NIN: variants seen among roughly 807,000 people sequenced by gnomAD.
NIN encodes the protein ninein, also known as glycogen synthase kinase 3 beta-interacting protein.
A neutral mutation model predicts 257.6 loss-of-function variants in NIN; 137 were observed. That is an observed-to-expected ratio of 0.53 (90% CI 0.46 to 0.61). The LOEUF (loss-of-function observed/expected upper bound fraction) is 0.61. NIN is among the 20% of genes least tolerant of loss of function. NIN has a pLI of 0.00. For synonymous variants in NIN, 918 were observed against 919.8 expected, an observed-to-expected ratio of 1.00 and a Z score of 0.04; for missense variants, 2,439 against 2,501.2, an observed-to-expected ratio of 0.98 and a Z score of 0.53.
intron 21 of NIN, among the ~76,000 whole-genome samples, chr14:50,751,632 T>A (rs1453798292): frequency 6.6e-6 from 1 of 152,166 alleles, no homozygotes; most frequent in African/African-American, 2.4e-5. Context: ...CCTCAAGGGA[T>A]CCTCCTGCCT....
intron 7 of NIN, among the ~76,000 whole-genome samples, chr14:50,774,201 C>T (rs955256011): frequency 1.3e-5 from 2 of 152,228 alleles, no homozygotes; most frequent in South Asian, 4.1e-4. Context: ...GAGCCTACAA[C>T]TGGACTCATT....
chr14:50,731,175 A>G (rs2984278), intron 28 of NIN, among the ~76,000 whole-genome samples: 86,859 of 152,082 alleles, frequency 0.57, 25,843 homozygotes, highest in African/African-American at 0.74. Flanking sequence ...CTCTAATTCT[A>G]CAAGTGCATC....
At chr14:50,793,844 T>A (rs920469354) in intron 4 of NIN, among the ~76,000 whole-genome samples, 1 of 152,220 alleles carries the variant, frequency 6.6e-6, no homozygotes, top group Non-Finnish European at 1.5e-5. Flanking sequence ...CAGCTATAGA[T>A]TTTTTAGCAC....
intron 13 of NIN, 23 bp from the exon 14 acceptor site, chr14:50,766,419 C>G: frequency 6.2e-7 from 1 of 1,610,504 alleles, no homozygotes; most frequent in Middle Eastern, 1.7e-4. Flanking sequence ...AAGGGCAAAG[C>G]TGTCATTTTT....
intron 5 of NIN, among the ~76,000 whole-genome samples, chr14:50,783,027 C>A (rs975209955): frequency 6.6e-6 from 1 of 152,126 alleles, no homozygotes; most frequent in Non-Finnish European, 1.5e-5. Flanking sequence ...TCGATGATTT[C>A]ACACAAAATC....
chr14:50,738,759 A>C (rs1217754749), intron 26 of NIN, among the ~76,000 whole-genome samples: 1 of 152,194 alleles, frequency 6.6e-6, no homozygotes, highest in African/African-American at 2.4e-5. Context: ...TCTGGCATGG[A>C]GTAGGTGTTC....
chr14:50,830,954 C>G (rs1287920810), intron 1 of NIN, 52 bp downstream of exon 1: 1 of 151,454 alleles, frequency 6.6e-6, no homozygotes, highest in East Asian at 1.9e-4. Context: ...AGCGCGAGGC[C>G]TCCGTGCACC....
intron 28 of NIN, among the ~76,000 whole-genome samples, chr14:50,730,679 G>A (rs2040648949): frequency 6.6e-6 from 1 of 152,178 alleles, no homozygotes; most frequent in African/African-American, 2.4e-5. Context: ...TTGTTTTCAT[G>A]ATAAAAATTA....
At chr14:50,768,308 A>G (rs2141759919) in intron 12 of NIN, among the ~76,000 whole-genome samples, 1 of 152,324 alleles carries the variant, frequency 6.6e-6, no homozygotes, top group South Asian at 2.1e-4. Context: ...ATTCTGTAAC[A>G]TTAATCTTTC....
chr14:50,784,183 T>C (rs981942435), intron 5 of NIN, among the ~76,000 whole-genome samples: 1 of 152,228 alleles, frequency 6.6e-6, no homozygotes, highest in African/African-American at 2.4e-5. Context: ...CCACTTTCTG[T>C]GACCCCTCAG....
intron 3 of NIN, among the ~76,000 whole-genome samples, chr14:50,820,533 G>A (rs2045159439): frequency 6.6e-6 from 1 of 152,188 alleles, no homozygotes; most frequent in South Asian, 2.1e-4. Context: ...ACCATACTGG[G>A]AGATGCCAGT....
chr14:50,794,338 C>G (rs1021595432), intron 4 of NIN: 1 of 180,074 alleles, frequency 5.6e-6, no homozygotes, highest in Non-Finnish European at 1.1e-5. Context: ...TTAAAAAAGT[C>G]CCAGTGAAGT....
chr14:50,728,116 A>G (rs1017962083), intron 29 of NIN, among the ~76,000 whole-genome samples: 1 of 151,492 alleles, frequency 6.6e-6, no homozygotes, highest in Non-Finnish European at 1.5e-5. Flanking sequence ...GAGGAAAAGG[A>G]TATTTTTTTT....
intron 26 of NIN, 135 bp from the exon 27 acceptor site, chr14:50,738,421 T>G: frequency 1.3e-6 from 1 of 761,964 alleles, no homozygotes; most frequent in Non-Finnish European, 2.1e-6. Flanking sequence ...CTGTAAATAC[T>G]TGAAGCTAGC....
chr14:50,785,320 C>A (rs879760636), intron 5 of NIN, among the ~76,000 whole-genome samples: 18 of 152,230 alleles, frequency 1.2e-4, no homozygotes, highest in Admixed American at 3.3e-4. Flanking sequence ...CCAGCCGCCA[C>A]CCCCACCAGC....
rs199813757 is a variant in NIN at position 50,752,493 on chromosome 14, G to C, written c.4950+25C>G. The C allele has an allele frequency of 5.9e-6, 9 of 1,536,494 alleles. No homozygotes were observed. The East Asian group carries it at 9.0e-5, about 15-fold the overall frequency. On this transcript the variant is annotated intron_variant, in intron 21 of 30. Coordinates refer to ENST00000530997, the MANE Select transcript of NIN (RefSeq NM_020921.4). ...ATTTCTTGGGATTTCCTCAAAAAAAGCTGTCAGGTGGCTACAGGCCATACC... is the reference window on the plus strand; with the variant it reads ...ATTTCTTGGGATTTCCTCAAAAAAACCTGTCAGGTGGCTACAGGCCATACC...
upstream of NIN, among the ~76,000 whole-genome samples, chr14:50,831,312 C>T (rs1456906397): frequency 6.6e-6 from 1 of 152,114 alleles, no homozygotes; most frequent in African/African-American, 2.4e-5. Context: ...CGCCCGCCTC[C>T]GAGATCTGAA....
Position 50,743,350 on chromosome 14 carries a change from G to A in NIN, c.5301+66C>T, listed in dbSNP as rs3825543. ...TTCTACCTGGAACACTCTTTTTACCGGGATTTCTGTTGGAAGATCTAGGAG... is the reference window on the plus strand; with the variant it reads ...TTCTACCTGGAACACTCTTTTTACCAGGATTTCTGTTGGAAGATCTAGGAG... On this transcript the variant is annotated intron_variant, in intron 24 of 30. Coordinates refer to ENST00000530997, the MANE Select transcript of NIN (RefSeq NM_020921.4). 53 of 1,035,160 alleles carry A rather than the reference G, an allele frequency of 5.1e-5. No individual in the cohort carries two copies. In the East Asian group the frequency reaches 7.2e-4, roughly 14 times the overall value. 64.1% of individuals were successfully genotyped at this position (1,035,160 alleles called of 1,614,324 possible).
intron 30 of NIN, 184 bp downstream of exon 30, chr14:50,725,767 TAC>T (rs2040384193): frequency 5.8e-6 from 6 of 1,035,102 alleles, no homozygotes; most frequent in Non-Finnish European, 8.5e-6. Context: ...TTGGAAAAAA[TAC>T]AGAGTTCGTA....
Sources: gnomAD v4.1 joint callset for allele counts (sites outside exome capture counted in the v4.1 genomes callset) on GRCh38, gnomAD v4.1.1 for gene constraint, MANE v1.5 for transcripts, NCBI Gene and HGNC (gene_info 2026-07-23, HGNC 2026-07-21) for gene names.